The following SLC2A11 variants were observed in gnomAD, a reference collection of about 807,000 sequenced individuals.
SLC2A11 encodes solute carrier family 2 member 11.
A neutral mutation model predicts 52.1 loss-of-function variants in SLC2A11; 43 were observed. The ratio of observed to expected loss-of-function variants is 0.82; its 90% CI spans 0.65 to 1.06. The LOEUF is 1.06. SLC2A11 is among the 50% of genes least tolerant of loss of function. SLC2A11 has a pLI of 0.00. For missense variants in SLC2A11, 582 were observed against 654.2 expected (o/e 0.89, Z 1.20); for synonymous variants, 261 against 277.6 (o/e 0.94, Z 0.59).
chr22:23,857,585 C>T, upstream of SLC2A11: 5 of 1,474,942 alleles, frequency 3.4e-6, no homozygotes, highest in Non-Finnish European at 4.7e-6. Flanking sequence ...AAACCCCCCC[C>T]CCGCGGCGGC....
At chr22:23,867,665 C>T in intron 2 of SLC2A11, 1 of 470,190 alleles carries the variant, frequency 2.1e-6, no homozygotes, top group South Asian at 1.5e-5. Flanking sequence ...ATGTTCAGCC[C>T]CACTCACGGA....
In SLC2A11 at chr22:23,884,800, AG is replaced by A; in HGVS notation, c.1454del (p.Gly485AlafsTer48). ...AGACTCAACTTCCCCAGGCGGGCCC[AG>A]GGCCCCACGTGGAGGAGCCTGGAGG... ...LHRLNFPRRA[Q>X]GPTWRSLEVI... On this transcript the variant is annotated frameshift_variant, in exon 12 of 12. Transcript: ENST00000316185. LOFTEE classifies it high-confidence loss of function. The surrounding 1 kb of genome is among the most constrained non-coding windows in gnomAD (Gnocchi z 4.3). 6.2e-7 allele frequency: 1 copy of A among 1,614,192 alleles called. No individual in the cohort carries two copies. Among genetic ancestry groups the A allele is most frequent in the Non-Finnish European group, 8.5e-7 (1 of 1,180,032 alleles).
chr22:23,873,588 G>A lies in SLC2A11; in HGVS notation c.291-1529G>A, dbSNP rs112977946. Among the ~76,000 whole-genome samples, 356 of 152,216 alleles carry A rather than the reference G, an allele frequency of 2.3e-3. 1 individual carries two copies. Among genetic ancestry groups the A allele is most frequent in the African/African-American group, 8.2e-3 (342 of 41,522 alleles). ...CTCCAAAAATGCTGGGATTATAGGC[G>A]TGAGCTGCTGCACCCAGCTGCTGCT... On this transcript the variant is annotated intron_variant, in intron 3 of 11. Coordinates refer to ENST00000316185, the MANE Select transcript of SLC2A11 (RefSeq NM_001024939.4).
At chr22:23,875,403 T>C (rs945068389) in intron 4 of SLC2A11, among the ~76,000 whole-genome samples, 162 bp downstream of exon 4, 47 of 152,200 alleles carry the variant, frequency 3.1e-4, no homozygotes, top group African/African-American at 1.1e-3. Flanking sequence ...ATAGTTTATC[T>C]TAAAGGGCTC....
chr22:23,883,214 A>C (rs1403288463), intron 8 of SLC2A11: 2 of 392,688 alleles, frequency 5.1e-6, no homozygotes, highest in Non-Finnish European at 9.7e-6. Context: ...GTGAGCCGAG[A>C]TGGTGCCATT....
rs112753934 is a variant in SLC2A11 at position 23,875,226 on chromosome 22, G to A, written c.400G>A (p.Val134Met). 3.3e-5 allele frequency: 49 copies of A among 1,501,664 alleles called. No individual in the cohort carries two copies. The Middle Eastern group carries it at 7.2e-4, about 22-fold the overall frequency. The allele number at this position is 1,501,664 out of a possible 1,614,324, so 93.0% of individuals were successfully genotyped here. A position where few individuals can be genotyped will look rare whatever the true frequency, so the allele number is the denominator to read the frequency against. ...FEMIMLGRLLVGVNAGVSMNI... is the reference protein window; with the variant it reads ...FEMIMLGRLLMGVNAGVSMNI... ...GATGATCATGCTGGGAAGACTGCTC[G>A]TGGGAGTCAATGCAGGTATGGGGTG... The change falls in exon 4 of 12, where the codon GTG becomes ATG. Residue 134 changes from valine to methionine, a missense_variant. Coordinates refer to ENST00000316185, the MANE Select transcript of SLC2A11 (RefSeq NM_001024939.4).
At chr22:23,880,054 A>G (rs920522924) in intron 6 of SLC2A11, among the ~76,000 whole-genome samples, 4 of 152,074 alleles carry the variant, frequency 2.6e-5, no homozygotes, top group African/African-American at 9.7e-5. Flanking sequence ...TCTACTAACA[A>G]TACAAAAATT....
chr22:23,863,680 A>G (rs1474452494), intron 2 of SLC2A11, among the ~76,000 whole-genome samples: 1 of 134,212 alleles, frequency 7.5e-6, no homozygotes, highest in African/African-American at 2.8e-5. Flanking sequence ...GCAGTGGTGC[A>G]ATTTCGGTTC....
Position 23,875,088 on chromosome 22 carries a change from C to T in SLC2A11, c.291-29C>T, listed in dbSNP as rs78402145. 3,794 of 1,528,350 alleles carry T rather than the reference C, an allele frequency of 2.5e-3. 65 individuals are homozygous for T. In the African/African-American group the frequency reaches 0.037, roughly 15 times the overall value. The allele number at this position is 1,528,350 out of a possible 1,614,324, so 94.7% of individuals were successfully genotyped here. On this transcript the variant is annotated intron_variant, in intron 3 of 11. Transcript: ENST00000316185. ...GTCCCGCTGGACTGAATCACAGCCT[C>T]TCTTTCTGTGTGTTTCACTTCCCCC...
upstream of SLC2A11, chr22:23,857,365 G>A (rs1391857156): frequency 1.3e-6 from 2 of 1,501,634 alleles, no homozygotes; most frequent in Non-Finnish European, 9.1e-7. Flanking sequence ...TTGCGAGGGC[G>A]AATGCAGGGG....
intron 2 of SLC2A11, chr22:23,868,114 T>C (rs2032329170): frequency 3.1e-6 from 1 of 319,022 alleles, no homozygotes; most frequent in Admixed American, 4.2e-5. Flanking sequence ...TGGGATTACA[T>C]TGTAGTACAC....
rs1245614192 is a variant in SLC2A11, at chr22:23,868,342, G to C, written c.130-139G>C. 6.8e-6 allele frequency: 7 copies of C among 1,036,616 alleles called. No individual in the cohort carries two copies. The East Asian group carries it at 1.5e-4, about 22-fold the overall frequency. The allele number at this position is 1,036,616 out of a possible 1,614,324, so 64.2% of individuals were successfully genotyped here. On this transcript the variant is annotated intron_variant, in intron 2 of 11. Coordinates refer to ENST00000316185, the MANE Select transcript of SLC2A11 (RefSeq NM_001024939.4). Reference sequence around the variant, plus strand: ...CTCAGGCGAGTTGGTTCCTGCTCCAGGGGGAGCTCAGAAGACACGGTGCCT... The same window carrying C: ...CTCAGGCGAGTTGGTTCCTGCTCCACGGGGAGCTCAGAAGACACGGTGCCT...
chr22:23,873,332 C>CTGTGTGTGTGTGTGTGTGT (rs1568990971), intron 3 of SLC2A11: 1 of 143,728 alleles, frequency 7.0e-6, no homozygotes, highest in African/African-American at 2.9e-5. Context: ...TGTGTGTGCA[C>CTGTGTGTGTGTGTGTGTGT]GCGTGTGTGT....
intron 2 of SLC2A11, chr22:23,867,796 G>T: frequency 2.1e-6 from 1 of 469,438 alleles, no homozygotes; most frequent in Non-Finnish European, 4.4e-6. Flanking sequence ...GCTCCTGGAG[G>T]GGACATGGAA....
At chr22:23,871,446 A>AAGT (rs2032453331) in intron 3 of SLC2A11, 1 of 146,620 alleles carries the variant, frequency 6.8e-6, no homozygotes. Flanking sequence ...GAGGCAAAAG[A>AAGT]AGTCCATGCT....
rs2031908163 is a variant in SLC2A11 at position 23,857,876 on chromosome 22, T to G, written c.-124T>G. On this transcript the variant is annotated 5_prime_UTR_variant, in exon 1 of 12. Coordinates refer to ENST00000316185, the MANE Select transcript of SLC2A11 (RefSeq NM_001024939.4). ...CGCTCACTGCGCGTGCGCTAGCGCC[T>G]CTTTCACCACTGGGCGCTGCGCGCT... The G allele has an allele frequency of 6.5e-7, 1 of 1,546,272 alleles. No individual in the cohort carries two copies. The highest frequency in any genetic ancestry group is 1.4e-5 in the African/African-American group (1 of 72,860).
intron 2 of SLC2A11, chr22:23,868,091 G>C: frequency 3.3e-6 from 1 of 299,996 alleles, no homozygotes; most frequent in South Asian, 3.5e-5. Flanking sequence ...ACTCCAGGTG[G>C]ATAGTGTCAG....
intron 1 of SLC2A11, among the ~76,000 whole-genome samples, chr22:23,861,865 T>C (rs1259887025): frequency 1.3e-5 from 2 of 152,112 alleles, no homozygotes; most frequent in East Asian, 3.9e-4. Context: ...ATGTTGGGGC[T>C]ATGGGTGGGG....
At chr22:23,867,765 T>C (rs1036218098) in intron 2 of SLC2A11, 7 of 470,116 alleles carry the variant, frequency 1.5e-5, no homozygotes, top group Non-Finnish European at 2.2e-5. Context: ...CATGAACACA[T>C]TGAGGTGCTG....
Sources: gnomAD v4.1 joint callset for allele counts (sites outside exome capture counted in the v4.1 genomes callset) on GRCh38, gnomAD v4.1.1 for gene constraint, Gnocchi (gnomAD v3.1) non-coding constraint, MANE v1.5 for transcripts, NCBI Gene and HGNC (gene_info 2026-07-23, HGNC 2026-07-21) for gene names.